PATJ: variants seen among roughly 807,000 people sequenced by gnomAD.
The protein encoded by PATJ is PATJ crumbs cell polarity complex component, also known as inaD-like protein.
PATJ carries 190 observed loss-of-function variants against 224.9 expected under a neutral mutation model. That is an observed-to-expected ratio of 0.84 (90% CI 0.75 to 0.95). The LOEUF is 0.95. Ranked by LOEUF, PATJ falls within the 40% of genes least tolerant of loss-of-function variation. The probability of loss-of-function intolerance (pLI) is 0.00; values close to 1 mark genes in which losing one functional copy is unlikely to be tolerated. For synonymous variants in PATJ, 769 were observed against 820.3 expected (o/e 0.94, Z 1.07); for missense variants, 2,121 against 2,270.3 (o/e 0.93, Z 1.34).
At chr1:61,902,433 G>A (rs1671312711) in intron 24 of PATJ, among the ~76,000 whole-genome samples, 1 of 151,998 alleles carries the variant, frequency 6.6e-6, no homozygotes, top group African/African-American at 2.4e-5. Context: ...GATGTCATGG[G>A]TTGGAGTCGG....
chr1:62,083,163 C>T (rs1405293835), intron 32 of PATJ, among the ~76,000 whole-genome samples: 2 of 152,168 alleles, frequency 1.3e-5, no homozygotes, highest in African/African-American at 4.8e-5. Flanking sequence ...TTTCACTCTT[C>T]TTGGCCAGGC....
At chr1:62,066,817 G>A (rs1656524522) in intron 31 of PATJ, among the ~76,000 whole-genome samples, 1 of 152,148 alleles carries the variant, frequency 6.6e-6, no homozygotes, top group African/African-American at 2.4e-5. Context: ...AGGGGGCTAG[G>A]GAATGGGTGC....
At chr1:61,762,737 T>G in intron 1 of PATJ, 121 bp from the exon 2 acceptor site, 1 of 487,752 alleles carries the variant, frequency 2.1e-6, no homozygotes, top group South Asian at 4.0e-5. Context: ...GTTATAATTT[T>G]GAATTTCACT....
At chr1:61,988,891 G>T (rs751340683) in intron 27 of PATJ, among the ~76,000 whole-genome samples, 4 of 152,212 alleles carry the variant, frequency 2.6e-5, no homozygotes, top group Non-Finnish European at 5.9e-5. Context: ...CCTAAGGACA[G>T]CAAATGTAAT....
rs1294295422 is a variant in PATJ at position 61,974,974 on chromosome 1, T to C, written c.3671-15194T>C. 2.0e-5 allele frequency among the ~76,000 whole-genome samples: 3 copies of C among 152,032 alleles called. 1 individual carries two copies. Among genetic ancestry groups the C allele is most frequent in the African/African-American group, 7.3e-5 (3 of 41,304 alleles). ...GTTTTGTTTTGTTTTTGACAGAGTT[T>C]CATTCTGTTGCCCAGGCTGGAGTGC... On this transcript the variant is annotated intron_variant, in intron 27 of 43. Coordinates refer to ENST00000642238, the MANE Select transcript of PATJ (RefSeq NM_001350145.3).
chr1:61,829,920 A>G (rs999027958), intron 16 of PATJ, among the ~76,000 whole-genome samples: 3 of 152,188 alleles, frequency 2.0e-5, no homozygotes, highest in African/African-American at 7.2e-5. Context: ...CTTTTTAAGT[A>G]TATCACTTCC....
At chr1:62,047,871 TA>T in intron 30 of PATJ, among the ~76,000 whole-genome samples, 1 of 152,166 alleles carries the variant, frequency 6.6e-6, no homozygotes, top group Non-Finnish European at 1.5e-5. Context: ...ATTTTCTGGT[TA>T]AAAAAATCCT....
intron 18 of PATJ, among the ~76,000 whole-genome samples, chr1:61,859,310 G>T (rs529107636): frequency 6.6e-6 from 1 of 152,288 alleles, no homozygotes; most frequent in Admixed American, 6.5e-5. Flanking sequence ...TAATGATTGT[G>T]GGTGGAACTT....
intron 27 of PATJ, among the ~76,000 whole-genome samples, chr1:61,978,223 T>TCCTTCCTTCCTC (rs1456349080): frequency 4.8e-4 from 49 of 101,286 alleles, no homozygotes; most frequent in African/African-American, 1.6e-3. Context: ...CTTCCTTCCT[T>TCCTTCCTTCCTC]CCTCCCTCCC....
chr1:61,860,377 A>G (rs1664350213), intron 18 of PATJ, among the ~76,000 whole-genome samples: 1 of 152,098 alleles, frequency 6.6e-6, no homozygotes, highest in Non-Finnish European at 1.5e-5. Flanking sequence ...GACTTTAAAA[A>G]CTGCATTATA....
intron 30 of PATJ, among the ~76,000 whole-genome samples, chr1:62,045,151 G>T (rs1260680388): frequency 6.6e-6 from 1 of 152,090 alleles, no homozygotes; most frequent in Non-Finnish European, 1.5e-5. Flanking sequence ...AACCCAGGAG[G>T]CGGAGGTTGC....
At chr1:61,888,290 T>C (rs1439567175) in intron 22 of PATJ, among the ~76,000 whole-genome samples, 1 of 152,178 alleles carries the variant, frequency 6.6e-6, no homozygotes, top group Non-Finnish European at 1.5e-5. Context: ...CTTCTTTTTA[T>C]TTTTGAGACA....
intron 27 of PATJ, among the ~76,000 whole-genome samples, chr1:61,932,199 C>T (rs1022404517): frequency 6.6e-6 from 1 of 152,254 alleles, no homozygotes; most frequent in African/African-American, 2.4e-5. Flanking sequence ...ACAGCCCCAG[C>T]CATTTCTGAT....
chr1:62,143,387 T>C (rs1163514720), intron 41 of PATJ, among the ~76,000 whole-genome samples: 2 of 151,820 alleles, frequency 1.3e-5, no homozygotes, highest in South Asian at 2.1e-4. Context: ...CTTTGAGATA[T>C]TAAAATGCAG....
chr1:62,082,972 A>G (rs1659470477), intron 32 of PATJ, among the ~76,000 whole-genome samples: 1 of 152,192 alleles, frequency 6.6e-6, no homozygotes, highest in South Asian at 2.1e-4. Context: ...ATCATAATGT[A>G]AGAAACAATA....
At chr1:61,910,354 C>T (rs1168785223) in intron 25 of PATJ, among the ~76,000 whole-genome samples, 1 of 152,068 alleles carries the variant, frequency 6.6e-6, no homozygotes, top group African/African-American at 2.4e-5. Flanking sequence ...CTCTTCAGCA[C>T]CATGCCATGC....
At chr1:61,804,471 G>T (rs61770136) in intron 12 of PATJ, among the ~76,000 whole-genome samples, 2,109 of 152,238 alleles carry the variant, frequency 0.014, 24 homozygotes, top group Non-Finnish European at 0.023. Flanking sequence ...AGCTGTCCAT[G>T]CTGAAGACTG....
Position 62,099,347 on chromosome 1 carries a change from C to CTTTTTTTTTTTTTTTTTTTTTTTTTTTTT in PATJ, c.4378-9088_4378-9060dup, listed in dbSNP as rs71050197. ...ATTTTTTTGTATACAATATCTCCAA[C>CTTTTTTTTTTTTTTTTTTTTTTTTTTTTT]TTTTTTTTTTTTTTTTTTTTTTTTT... On this transcript the variant is annotated intron_variant, in intron 33 of 43. Transcript: ENST00000642238. Among the ~76,000 whole-genome samples, 6 of 55,676 alleles carry CTTTTTTTTTTTTTTTTTTTTTTTTTTTTT rather than the reference C, an allele frequency of 1.1e-4. 1 individual carries two copies. Among genetic ancestry groups the CTTTTTTTTTTTTTTTTTTTTTTTTTTTTT allele is most frequent in the African/African-American group, 3.9e-4 (5 of 12,842 alleles). 36.5% of individuals were successfully genotyped at this position (55,676 alleles called of 152,430 possible).
chr1:62,064,616 C>A (rs766201472), intron 31 of PATJ, among the ~76,000 whole-genome samples: 1 of 152,088 alleles, frequency 6.6e-6, no homozygotes. Context: ...CATGAGCCAC[C>A]GCGCCGGGCC....
Sources: allele counts gnomAD v4.1 joint callset (sites outside exome capture counted in the v4.1 genomes callset), GRCh38; gene constraint gnomAD v4.1.1; transcripts MANE v1.5; gene names NCBI Gene and HGNC (gene_info 2026-07-23, HGNC 2026-07-21).